UGT1A9: variants seen among roughly 807,000 people sequenced by gnomAD.
The protein encoded by UGT1A9 is UDP-glucuronosyltransferase 1A9.
A neutral mutation model predicts 45.0 loss-of-function variants in UGT1A9; 35 were observed. The observed-to-expected ratio is 0.78, with a 90% CI of 0.59 to 1.03. The LOEUF (loss-of-function observed/expected upper bound fraction) is 1.03. Ranked by LOEUF, UGT1A9 falls within the 50% of genes least tolerant of loss-of-function variation. The pLI, the probability that UGT1A9 is intolerant of heterozygous loss-of-function variation, is 0.00. For synonymous variants in UGT1A9, 278 were observed against 250.6 expected (o/e 1.11, Z -1.03); for missense variants, 687 against 666.6 (o/e 1.03, Z -0.34).
chr2:233,726,165 C>CA (rs1281871437), intron 1 of UGT1A9, among the ~76,000 whole-genome samples: 1 of 151,994 alleles, frequency 6.6e-6, no homozygotes, highest in Non-Finnish European at 1.5e-5. Context: ...GGCCCCATTT[C>CA]AAAAAAATAA....
chr2:233,762,695 CT>C lies in UGT1A9; in HGVS notation c.856-4335del, dbSNP rs571184142. Among the ~76,000 whole-genome samples, 40 of 148,314 alleles carry C rather than the reference CT, an allele frequency of 2.7e-4. No individual in the cohort carries two copies. The South Asian group carries it at 8.3e-3, about 31-fold the overall frequency. ...TTTGTTCTGTTTCTTTCTCATTCAT[CT>C]TTTCTTAAGTATTTTACACGGTTTT... On this transcript the variant is annotated intron_variant, in intron 1 of 4. Coordinates refer to ENST00000354728, the MANE Select transcript of UGT1A9 (RefSeq NM_021027.3).
At chr2:233,760,175 C>T (rs2125979710) in intron 1 of UGT1A9, 1 of 1,540,768 alleles carries the variant, frequency 6.5e-7, no homozygotes, top group Non-Finnish European at 8.7e-7. Flanking sequence ...GGACTGACAG[C>T]TTTTTATAGT....
At chr2:233,709,223 G>A (rs546469798) in intron 1 of UGT1A9, among the ~76,000 whole-genome samples, 3 of 152,258 alleles carry the variant, frequency 2.0e-5, no homozygotes, top group Non-Finnish European at 4.4e-5. Flanking sequence ...TGAGAGTTTG[G>A]GGGAGGGGTG....
chr2:233,759,109 C>A (rs1697056507), intron 1 of UGT1A9, among the ~76,000 whole-genome samples: 1 of 152,128 alleles, frequency 6.6e-6, no homozygotes, highest in Admixed American at 6.5e-5. Flanking sequence ...GTTTGCAAAC[C>A]AGGGAGTTAC....
chr2:233,750,021 A>C (rs894423402), intron 1 of UGT1A9, among the ~76,000 whole-genome samples: 1 of 151,886 alleles, frequency 6.6e-6, no homozygotes, highest in African/African-American at 2.4e-5. Context: ...AGAGTGGAGT[A>C]CTGCTATAAA....
At chr2:233,759,599 A>ACCCCCCCCCC (rs1553620419) in intron 1 of UGT1A9, among the ~76,000 whole-genome samples, 229 of 108,538 alleles carry the variant, frequency 2.1e-3, no homozygotes, top group African/African-American at 3.4e-3. Flanking sequence ...CCCACCCCCG[A>ACCCCCCCCCC]CCCGCCCCAC....
Position 233,743,999 on chromosome 2 carries a change from G to A in UGT1A9, c.856-23035G>A, listed in dbSNP as rs981482683. On this transcript the variant is annotated intron_variant, in intron 1 of 4. Coordinates refer to ENST00000354728, the MANE Select transcript of UGT1A9 (RefSeq NM_021027.3). The stretch of plus-strand genomic sequence containing the variant: ...CACCCAGGCGCAGGCCCGAGTGCTC[G>A]GAGACCTGGGCCGCCTGGAGAGACG... The A allele has an allele frequency of 1.1e-4, 135 of 1,220,038 alleles. 4 individuals carry two copies. The African/African-American group carries it at 1.5e-3, about 14-fold the overall frequency. The allele number at this position is 1,220,038 out of a possible 1,614,324, so 75.6% of individuals were successfully genotyped here. A position where few individuals can be genotyped will look rare whatever the true frequency, so the allele number is the denominator to read the frequency against.
chr2:233,676,128 G>C (rs1206697252), intron 1 of UGT1A9, among the ~76,000 whole-genome samples: 3 of 152,068 alleles, frequency 2.0e-5, no homozygotes, highest in Non-Finnish European at 4.4e-5. Context: ...ACCCACCCTG[G>C]GGTCCTTGAG....
intron 1 of UGT1A9, chr2:233,713,514 A>T (rs763499114): frequency 2.8e-5 from 45 of 1,613,790 alleles, no homozygotes; most frequent in Admixed American, 5.0e-5. Flanking sequence ...TTTCTTGAGG[A>T]ACATTCCATG....
chr2:233,729,290 G>C (rs1376789035), intron 1 of UGT1A9: 3 of 1,614,236 alleles, frequency 1.9e-6, no homozygotes, highest in East Asian at 4.5e-5. Context: ...CATGCCAGAG[G>C]CCACCAGGCA....
intron 1 of UGT1A9, chr2:233,690,424 A>G: frequency 4.8e-6 from 6 of 1,244,126 alleles, no homozygotes; most frequent in Non-Finnish European, 6.3e-6. Flanking sequence ...ACCTTCATGC[A>G]CATCTTTGGG....
chr2:233,686,714 C>T (rs547958774), intron 1 of UGT1A9, among the ~76,000 whole-genome samples: 52 of 152,314 alleles, frequency 3.4e-4, no homozygotes, highest in Non-Finnish European at 6.2e-4. Context: ...ACCCTCCCAC[C>T]GGCTATGAAG....
At chr2:233,743,847 G>A (rs771949487) in intron 1 of UGT1A9, 44 of 1,367,104 alleles carry the variant, frequency 3.2e-5, no homozygotes, top group Non-Finnish European at 4.2e-5. Flanking sequence ...GCCAGCTTGC[G>A]GTACGCCTTC....
At chr2:233,747,937 A>G in intron 1 of UGT1A9, 1 of 1,613,182 alleles carries the variant, frequency 6.2e-7, no homozygotes, top group Non-Finnish European at 8.5e-7. Context: ...TTTCAGAGGG[A>G]GGTGTCAGTG....
At chr2:233,718,762 A>T in intron 1 of UGT1A9, 1 of 1,612,640 alleles carries the variant, frequency 6.2e-7, no homozygotes, top group African/African-American at 1.3e-5. Context: ...AGGCGAAGGA[A>T]ACAAATGTAG....
At position 233,743,070 on chromosome 2, in the gene UGT1A9, T is replaced by G. The variant is rs1338507367; in HGVS notation, c.856-23964T>G. 11 of 339,422 alleles carry G rather than the reference T, an allele frequency of 3.2e-5. No homozygotes were observed. The Admixed American group carries it at 4.5e-4, about 14-fold the overall frequency. 21.0% of individuals were successfully genotyped at this position (339,422 alleles called of 1,614,324 possible). A position where few individuals can be genotyped will look rare whatever the true frequency, so the allele number is the denominator to read the frequency against. On this transcript the variant is annotated intron_variant, in intron 1 of 4. Transcript: ENST00000354728. ...TAGTCCCAACGATAAGAACAGGTGT[T>G]GGCATGAAGTGTTTATAAATTCTTG...
At chr2:233,718,427 T>C (rs551386260) in intron 1 of UGT1A9, among the ~76,000 whole-genome samples, 2 of 152,232 alleles carry the variant, frequency 1.3e-5, no homozygotes, top group East Asian at 3.9e-4. Context: ...GAACATGTGG[T>C]TGGGGACTAG....
At position 233,725,264 on chromosome 2, in the gene UGT1A9, G is replaced by GGCAGAGGCA. The variant is rs1216362118; in HGVS notation, c.856-41769_856-41768insCAGAGGCAG. The stretch of plus-strand genomic sequence containing the variant: ...CAGAGGCAGAGGAGGCAGAGGCAGA[G>GGCAGAGGCA]GAGGCAGAGGCAGAGGCAGAGGCAG... On this transcript the variant is annotated intron_variant, in intron 1 of 4. Transcript: ENST00000354728. Among the ~76,000 whole-genome samples, 37 of 58,530 alleles carry GGCAGAGGCA rather than the reference G, an allele frequency of 6.3e-4. 2 individuals are homozygous for GGCAGAGGCA. Among genetic ancestry groups the GGCAGAGGCA allele is most frequent in the African/African-American group, 3.7e-3 (28 of 7,620 alleles). The allele number at this position is 58,530 out of a possible 152,430, so 38.4% of individuals were successfully genotyped here. A position where few individuals can be genotyped will look rare whatever the true frequency, so the allele number is the denominator to read the frequency against.
chr2:233,711,499 C>A (rs1243833483), intron 1 of UGT1A9, among the ~76,000 whole-genome samples: 1 of 152,112 alleles, frequency 6.6e-6, no homozygotes, highest in Admixed American at 6.5e-5. Flanking sequence ...GCTGAGAATC[C>A]CTTTCTAGCG....
Sources: allele counts gnomAD v4.1 joint callset (sites outside exome capture counted in the v4.1 genomes callset), GRCh38; gene constraint gnomAD v4.1.1; transcripts MANE v1.5; gene names NCBI Gene and HGNC (gene_info 2026-07-23, HGNC 2026-07-21).